Variants in PALLD observed in about 807,000 individuals in gnomAD.
PALLD encodes palladin, cytoskeletal associated protein, also known as palladin.
A neutral mutation model predicts 123.5 loss-of-function variants in PALLD; 61 were observed. The observed-to-expected ratio is 0.49, with a 90% CI of 0.40 to 0.61. The LOEUF is 0.61. Ranked by LOEUF, PALLD falls within the 20% of genes least tolerant of loss-of-function variation. The pLI is 0.00. For missense variants in PALLD, 1,273 were observed against 1,377.0 expected, an observed-to-expected ratio of 0.92 and a Z score of 1.20; for synonymous variants, 465 against 496.4, an observed-to-expected ratio of 0.94 and a Z score of 0.84.
intron 10 of PALLD, among the ~76,000 whole-genome samples, chr4:168,811,123 A>C (rs1741051823): frequency 6.6e-6 from 1 of 152,248 alleles, no homozygotes; most frequent in African/African-American, 2.4e-5. Flanking sequence ...GAATCTTCCA[A>C]GGAATCAACT....
Position 168,683,481 on chromosome 4 carries a change from A to G in PALLD, c.1260+378A>G, listed in dbSNP as rs10004302. On this transcript the variant is annotated intron_variant, in intron 5 of 21. Coordinates refer to ENST00000505667, the MANE Select transcript of PALLD (RefSeq NM_001166108.2). The stretch of plus-strand genomic sequence containing the variant: ...AATTAAAAGACAAGTCTGCATACCA[A>G]CAAAAAGCTTTCCCACTCCTAAAAG... Among the ~76,000 whole-genome samples, 801 of 152,344 alleles carry G rather than the reference A, an allele frequency of 5.3e-3. 5 individuals are homozygous for G. Among genetic ancestry groups the G allele is most frequent in the African/African-American group, 0.019 (772 of 41,588 alleles).
intron 10 of PALLD, among the ~76,000 whole-genome samples, chr4:168,742,350 C>G (rs1227442179): frequency 1.3e-5 from 2 of 152,182 alleles, no homozygotes; most frequent in African/African-American, 2.4e-5. Flanking sequence ...TCTTAGCTCT[C>G]TGACCTCTGG....
At chr4:168,500,979 AACT>A (rs1357587481) in intron 1 of PALLD, among the ~76,000 whole-genome samples, 1 of 152,242 alleles carries the variant, frequency 6.6e-6, no homozygotes, top group Non-Finnish European at 1.5e-5. Flanking sequence ...TACCAATGAA[AACT>A]TATTTATATG....
At chr4:168,506,632 C>T (rs1474973485) in intron 1 of PALLD, among the ~76,000 whole-genome samples, 1 of 152,208 alleles carries the variant, frequency 6.6e-6, no homozygotes, top group African/African-American at 2.4e-5. Flanking sequence ...TGTTACAGCG[C>T]TCTATCCTAA....
At chr4:168,813,490 C>T (rs1259275543) in intron 10 of PALLD, among the ~76,000 whole-genome samples, 2 of 152,148 alleles carry the variant, frequency 1.3e-5, no homozygotes, top group African/African-American at 2.4e-5. Context: ...TAAGGTCTTG[C>T]TCTGTCACCC....
chr4:168,716,435 A>G (rs991677419), intron 10 of PALLD, among the ~76,000 whole-genome samples: 15 of 152,160 alleles, frequency 9.9e-5, no homozygotes, highest in African/African-American at 3.6e-4. Flanking sequence ...CCTTGCTCCT[A>G]CTCTTACTAC....
chr4:168,534,344 GAGTC>G (rs1764894394), intron 2 of PALLD, among the ~76,000 whole-genome samples: 1 of 152,212 alleles, frequency 6.6e-6, no homozygotes, highest in Admixed American at 6.5e-5. Flanking sequence ...GTTCATCTGA[GAGTC>G]AGTCAGAGGA....
At chr4:168,572,591 T>A (rs1769111137) in intron 2 of PALLD, among the ~76,000 whole-genome samples, 2 of 151,908 alleles carry the variant, frequency 1.3e-5, no homozygotes, top group Non-Finnish European at 2.9e-5. Flanking sequence ...TGATTTGATA[T>A]CCCCCTTCCC....
chr4:168,581,303 A>AT (rs112786259), intron 2 of PALLD, among the ~76,000 whole-genome samples: 8,945 of 146,536 alleles, frequency 0.061, 609 homozygotes, highest in African/African-American at 0.17. Context: ...TGCTAGTTCT[A>AT]TTTTTTTTTT....
intron 10 of PALLD, among the ~76,000 whole-genome samples, chr4:168,755,419 C>T (rs1293178976): frequency 3.3e-5 from 5 of 149,374 alleles, no homozygotes; most frequent in South Asian, 2.3e-4. Context: ...GTTTTTAAGC[C>T]GTGAGTGAAC....
chr4:168,630,996 G>A (rs763324629), intron 2 of PALLD, among the ~76,000 whole-genome samples: 14 of 152,138 alleles, frequency 9.2e-5, no homozygotes, highest in Non-Finnish European at 1.6e-4. Context: ...ATCCCTCAAT[G>A]AGTCGCAACC....
intron 1 of PALLD, among the ~76,000 whole-genome samples, chr4:168,497,748 T>A (rs1652637602): frequency 6.6e-6 from 1 of 152,228 alleles, no homozygotes; most frequent in South Asian, 2.1e-4. Context: ...GCATAAAATT[T>A]ACATACATAT....
At chr4:168,600,028 C>CACAT (rs769691785) in intron 2 of PALLD, among the ~76,000 whole-genome samples, 4 of 124,656 alleles carry the variant, frequency 3.2e-5, no homozygotes, top group African/African-American at 6.2e-5. Flanking sequence ...TGTGTACACA[C>CACAT]ACATACATAC....
intron 10 of PALLD, among the ~76,000 whole-genome samples, chr4:168,761,714 G>T: frequency 7.7e-6 from 1 of 130,236 alleles, no homozygotes. Context: ...GTTTCACCAT[G>T]TTTCCGCGGC....
intron 10 of PALLD, among the ~76,000 whole-genome samples, chr4:168,806,443 C>T (rs1038439655): frequency 2.7e-4 from 41 of 152,174 alleles, no homozygotes; most frequent in African/African-American, 9.4e-4. Context: ...GTAAGACGTG[C>T]TTGCTTCCCC....
At chr4:168,611,684 C>A (rs1230841525) in intron 2 of PALLD, among the ~76,000 whole-genome samples, 1 of 152,178 alleles carries the variant, frequency 6.6e-6, no homozygotes, top group South Asian at 2.1e-4. Flanking sequence ...TGAAGTTTTG[C>A]CTTTCTGGTA....
At chr4:168,779,502 C>T (rs1295473810) in intron 10 of PALLD, among the ~76,000 whole-genome samples, 5 of 150,592 alleles carry the variant, frequency 3.3e-5, no homozygotes, top group Admixed American at 6.6e-5. Flanking sequence ...TATAAAAAAT[C>T]ATATATATAT....
At chr4:168,722,463 A>C (rs758563869) in intron 10 of PALLD, among the ~76,000 whole-genome samples, 2 of 152,348 alleles carry the variant, frequency 1.3e-5, no homozygotes, top group South Asian at 4.1e-4. Context: ...AAAAGATGCA[A>C]TGAAGGCAAG....
intron 2 of PALLD, among the ~76,000 whole-genome samples, chr4:168,616,244 A>C (rs1229275335): frequency 6.6e-6 from 1 of 152,238 alleles, no homozygotes; most frequent in African/African-American, 2.4e-5. Context: ...GAATGGCTGC[A>C]TGCATCTTTG....
Sources: gnomAD v4.1 joint callset for allele counts (sites outside exome capture counted in the v4.1 genomes callset) on GRCh38, gnomAD v4.1.1 for gene constraint, MANE v1.5 for transcripts, NCBI Gene and HGNC (gene_info 2026-07-23, HGNC 2026-07-21) for gene names.